The following ANO10 variants were observed in gnomAD, a reference collection of about 807,000 sequenced individuals.
ANO10 encodes the protein anoctamin 10.
In ANO10, 77 loss-of-function variants were observed where a neutral mutation model predicts 74.7. The ratio of observed to expected loss-of-function variants is 1.03; its 90% CI spans 0.86 to 1.25. ANO10 has a LOEUF of 1.25. Ranked by LOEUF, ANO10 falls within the 50% of genes most tolerant of loss-of-function variation. The pLI is 0.00. For missense variants in ANO10, 721 were observed against 778.1 expected, an observed-to-expected ratio of 0.93 and a Z score of 0.87; for synonymous variants, 279 against 284.9, an observed-to-expected ratio of 0.98 and a Z score of 0.21.
chr3:43,524,965 C>A lies in ANO10; in HGVS notation c.1797+24755G>T, dbSNP rs140517160. Among the ~76,000 whole-genome samples, 32 of 152,312 alleles carry A rather than the reference C, an allele frequency of 2.1e-4. No homozygotes were observed. In the East Asian group the frequency reaches 6.0e-3, roughly 28 times the overall value. The stretch of plus-strand genomic sequence containing the variant: ...ACCACTGCAGTTACCACCTAACTCA[C>A]TGACTCTTCCAACCCCTCTTAAACA... On this transcript the variant is annotated intron_variant, in intron 11 of 12. Coordinates refer to ENST00000292246, the MANE Select transcript of ANO10 (RefSeq NM_018075.5).
At chr3:43,643,648 G>T (rs1451993138) in intron 1 of ANO10, among the ~76,000 whole-genome samples, 2 of 137,026 alleles carry the variant, frequency 1.5e-5, no homozygotes, top group Non-Finnish European at 1.6e-5. Context: ...CTTATCCATT[G>T]TTAAAAGCTT....
intron 12 of ANO10, among the ~76,000 whole-genome samples, chr3:43,431,588 T>C (rs2092981838): frequency 6.6e-6 from 1 of 152,030 alleles, no homozygotes; most frequent in Non-Finnish European, 1.5e-5. Flanking sequence ...CTAGCCCACA[T>C]GCCAAAAGTG....
intron 6 of ANO10, 61 bp from the exon 7 acceptor site, chr3:43,574,925 T>C: frequency 7.2e-7 from 1 of 1,384,096 alleles, no homozygotes; most frequent in Non-Finnish European, 1.0e-6. Context: ...AGCACTGTTA[T>C]GAGGTAAAGT....
At chr3:43,450,484 C>T (rs9881028) in intron 11 of ANO10, among the ~76,000 whole-genome samples, 74,876 of 151,964 alleles carry the variant, frequency 0.49, 20,591 homozygotes, top group East Asian at 0.83. Context: ...GAGGTTGCAG[C>T]GAGCTGAGAT....
intron 1 of ANO10, chr3:43,690,671 A>G: frequency 3.0e-6 from 1 of 336,312 alleles, no homozygotes; most frequent in Admixed American, 4.9e-5. Flanking sequence ...GCATGAATAC[A>G]GTCATTATTC....
intron 8 of ANO10, among the ~76,000 whole-genome samples, chr3:43,562,110 C>T (rs2080066086): frequency 6.6e-6 from 1 of 152,034 alleles, no homozygotes; most frequent in African/African-American, 2.4e-5. Context: ...GTGGCTCATG[C>T]CTGTAATCCC....
chr3:43,516,116 C>T (rs1288247251), intron 11 of ANO10, among the ~76,000 whole-genome samples: 2 of 152,170 alleles, frequency 1.3e-5, no homozygotes, highest in African/African-American at 4.8e-5. Flanking sequence ...TGGGGTAATG[C>T]CAACTCTGAA....
chr3:43,489,888 C>G (rs192336373), intron 11 of ANO10, among the ~76,000 whole-genome samples: 1 of 151,714 alleles, frequency 6.6e-6, no homozygotes, highest in Non-Finnish European at 1.5e-5. Flanking sequence ...AACTATCTTA[C>G]AAAAATCAAC....
intron 11 of ANO10, among the ~76,000 whole-genome samples, chr3:43,479,716 C>T (rs2076196338): frequency 6.6e-6 from 1 of 152,180 alleles, no homozygotes; most frequent in Non-Finnish European, 1.5e-5. Context: ...TCTGCTCTCC[C>T]CTCCTTCTGA....
At chr3:43,520,636 A>G (rs2149214181) in intron 11 of ANO10, among the ~76,000 whole-genome samples, 1 of 152,172 alleles carries the variant, frequency 6.6e-6, no homozygotes, top group Middle Eastern at 3.4e-3. Flanking sequence ...CATTCTTTTT[A>G]TTTATTTATT....
chr3:43,633,725 A>G (rs987080294), intron 1 of ANO10, among the ~76,000 whole-genome samples: 1 of 152,144 alleles, frequency 6.6e-6, no homozygotes, highest in African/African-American at 2.4e-5. Flanking sequence ...ATGGTTGTTG[A>G]CAGAAGACAC....
chr3:43,647,261 G>C (rs1314975614), intron 1 of ANO10, among the ~76,000 whole-genome samples: 2 of 151,766 alleles, frequency 1.3e-5, no homozygotes, highest in Non-Finnish European at 2.9e-5. Flanking sequence ...TGATTATGGA[G>C]GGTGAGAAAT....
chr3:43,549,358 A>G (rs2079347787), intron 11 of ANO10, among the ~76,000 whole-genome samples: 1 of 152,108 alleles, frequency 6.6e-6, no homozygotes, highest in Non-Finnish European at 1.5e-5. Context: ...TATGTTACCC[A>G]GGTCTTGAAC....
At chr3:43,429,086 G>A (rs2092942849) in intron 12 of ANO10, among the ~76,000 whole-genome samples, 1 of 152,076 alleles carries the variant, frequency 6.6e-6, no homozygotes, top group African/African-American at 2.4e-5. Context: ...GAATCTAAGA[G>A]CTAAGATGAC....
rs146589561 is a variant in ANO10, at chr3:43,657,754, C to T, written c.-12+33763G>A. Among the ~76,000 whole-genome samples, 4 of 152,310 alleles carry T rather than the reference C, an allele frequency of 2.6e-5. No individual in the cohort carries two copies. In the East Asian group the frequency reaches 7.7e-4, roughly 29 times the overall value. On this transcript the variant is annotated intron_variant, in intron 1 of 3. Coordinates refer to the ANO10 transcript ENST00000413397. Reference sequence around the variant, plus strand: ...CCATTCTGTCACCCCTGATATCCTTCAGGTATATTTTTTCTTGTTTAAGAT... The same window carrying T: ...CCATTCTGTCACCCCTGATATCCTTTAGGTATATTTTTTCTTGTTTAAGAT...
intron 11 of ANO10, among the ~76,000 whole-genome samples, chr3:43,466,928 CA>C (rs762508906): frequency 3.9e-5 from 6 of 151,956 alleles, no homozygotes; most frequent in African/African-American, 7.3e-5. Flanking sequence ...GATGGTGCAA[CA>C]AAAATGAGCA....
At chr3:43,563,053 T>C (rs902631653) in intron 8 of ANO10, among the ~76,000 whole-genome samples, 1 of 152,208 alleles carries the variant, frequency 6.6e-6, no homozygotes, top group East Asian at 1.9e-4. Flanking sequence ...AGAAAAGATC[T>C]GCAGACTACT....
chr3:43,525,260 G>A (rs2078143715), intron 11 of ANO10, among the ~76,000 whole-genome samples: 1 of 152,002 alleles, frequency 6.6e-6, no homozygotes, highest in South Asian at 2.1e-4. Context: ...TGGTCCCTGG[G>A]CAGGCTATCC....
intron 12 of ANO10, among the ~76,000 whole-genome samples, chr3:43,381,970 T>C (rs897096429): frequency 6.6e-6 from 1 of 152,202 alleles, no homozygotes; most frequent in Non-Finnish European, 1.5e-5. Context: ...CAAATGATCA[T>C]TGGGTCAACA....
Sources: allele counts gnomAD v4.1 joint callset (sites outside exome capture counted in the v4.1 genomes callset), GRCh38; gene constraint gnomAD v4.1.1; transcripts MANE v1.5; gene names NCBI Gene and HGNC (gene_info 2026-07-23, HGNC 2026-07-21).